Variants in TVP23C observed in about 807,000 individuals in gnomAD.
TVP23C encodes trans-golgi network vesicle protein 23 homolog C, also known as Golgi apparatus membrane protein TVP23 homolog C.
In TVP23C, 19 loss-of-function variants were observed where a neutral mutation model predicts 28.7. The ratio of observed to expected loss-of-function variants is 0.66; its 90% CI spans 0.46 to 0.97. TVP23C has a LOEUF of 0.97. TVP23C is among the 50% of genes least tolerant of loss of function. The pLI, the probability that TVP23C is intolerant of heterozygous loss-of-function variation, is 0.00. For missense variants in TVP23C, 186 were observed against 241.3 expected (o/e 0.77, Z 1.52); for synonymous variants, 68 against 81.7 (o/e 0.83, Z 0.90).
chr17:15,519,665 C>G (rs1361766362), intron 5 of TVP23C, among the ~76,000 whole-genome samples: 3 of 152,122 alleles, frequency 2.0e-5, no homozygotes, highest in Admixed American at 1.3e-4. Context: ...AATCCCAGCA[C>G]TTTGGGAGGC....
At position 15,537,947 on chromosome 17, in the gene TVP23C, C is replaced by A. The variant is rs970872978; in HGVS notation, c.*2465G>T. The stretch of plus-strand genomic sequence containing the variant: ...GCCAACATATACTTTCTAGCCCCAA[C>A]TGCTGGAAAGGAAATAAAAACTTAA... On this transcript the variant is annotated 3_prime_UTR_variant, in exon 6 of 6. Transcript: ENST00000518321. 23 of 1,448,002 alleles carry A rather than the reference C, an allele frequency of 1.6e-5. No homozygotes were observed. The highest frequency in any genetic ancestry group is 2.0e-5 in the Non-Finnish European group (22 of 1,102,524). 89.7% of individuals were successfully genotyped at this position (1,448,002 alleles called of 1,614,324 possible). A position where few individuals can be genotyped will look rare whatever the true frequency, so the allele number is the denominator to read the frequency against.
intron 1 of TVP23C, chr17:15,562,728 C>G (rs894540109): frequency 6.6e-6 from 1 of 152,234 alleles, no homozygotes; most frequent in Non-Finnish European, 1.5e-5. Context: ...TTTATCGTGT[C>G]TCCCCACCCA....
intron 5 of TVP23C, among the ~76,000 whole-genome samples, chr17:15,514,166 T>C (rs1054583040): frequency 1.3e-5 from 2 of 152,238 alleles, no homozygotes; most frequent in Admixed American, 6.5e-5. Context: ...CAAACATACT[T>C]TTTAAAGCTA....
chr17:15,554,366 T>C (rs1050640472), intron 2 of TVP23C, among the ~76,000 whole-genome samples: 3 of 151,290 alleles, frequency 2.0e-5, no homozygotes, highest in African/African-American at 7.3e-5. Flanking sequence ...GCCTCCCAAG[T>C]AGCTGGGACT....
chr17:15,524,902 G>T (rs1982656543), intron 5 of TVP23C, among the ~76,000 whole-genome samples: 1 of 152,290 alleles, frequency 6.6e-6, no homozygotes, highest in Middle Eastern at 3.4e-3. Context: ...GTCCTACCAG[G>T]ACCACCACTC....
chr17:15,531,240 T>C (rs930175995), intron 5 of TVP23C, among the ~76,000 whole-genome samples: 6 of 152,204 alleles, frequency 3.9e-5, no homozygotes, highest in African/African-American at 1.4e-4. Context: ...ACTGTCTTTG[T>C]CTCTGGCTTT....
At chr17:15,551,851 C>T (rs528979620) in intron 3 of TVP23C, among the ~76,000 whole-genome samples, 3 of 152,216 alleles carry the variant, frequency 2.0e-5, no homozygotes, top group African/African-American at 4.8e-5. Context: ...ATAACAATTA[C>T]GACACATCTC....
At chr17:15,548,804 AT>A (rs1350302756) in intron 3 of TVP23C, among the ~76,000 whole-genome samples, 1 of 152,186 alleles carries the variant, frequency 6.6e-6, no homozygotes, top group Admixed American at 6.5e-5. Context: ...TATATGCTAT[AT>A]TTTTTCCTAT....
chr17:15,543,325 G>A (rs1162011204), intron 5 of TVP23C, among the ~76,000 whole-genome samples: 1 of 151,026 alleles, frequency 6.6e-6, no homozygotes, highest in Non-Finnish European at 1.5e-5. Flanking sequence ...GGCTGGACAG[G>A]ACTGTCACTG....
At chr17:15,524,627 T>C (rs1296703153) in intron 5 of TVP23C, among the ~76,000 whole-genome samples, 1 of 152,212 alleles carries the variant, frequency 6.6e-6, no homozygotes, top group Non-Finnish European at 1.5e-5. Flanking sequence ...ATCCTAACTT[T>C]TGATAGATGT....
At chr17:15,505,515 T>C (rs776384300) in intron 5 of TVP23C, among the ~76,000 whole-genome samples, 3 of 152,160 alleles carry the variant, frequency 2.0e-5, no homozygotes, top group Non-Finnish European at 2.9e-5. Context: ...CCCCATACTA[T>C]TGAGAGGTGA....
intron 5 of TVP23C, among the ~76,000 whole-genome samples, chr17:15,542,617 C>T (rs184038904): frequency 9.1e-4 from 137 of 150,360 alleles, no homozygotes; most frequent in African/African-American, 3.2e-3. Context: ...ACTGGGACTA[C>T]AGGTGCCTGC....
chr17:15,554,932 TTAGAA>T (rs1363336694), intron 2 of TVP23C, among the ~76,000 whole-genome samples: 2 of 152,214 alleles, frequency 1.3e-5, no homozygotes, highest in Non-Finnish European at 2.9e-5. Flanking sequence ...AGAATTAAAT[TTAGAA>T]TAGAAATGTT....
At position 15,546,063 on chromosome 17, in the gene TVP23C, A is replaced by G. The variant is rs1044080330; in HGVS notation, c.331-147T>C. On this transcript the variant is annotated intron_variant, in intron 4 of 5. Coordinates refer to ENST00000518321, the MANE Select transcript of TVP23C (RefSeq NM_001135036.2). Reference sequence around the variant, plus strand: ...AGTTAGAACCCAAAAATACATGACTATCACTCTCGTAATTTTAGGAACTGA... The same window carrying G: ...AGTTAGAACCCAAAAATACATGACTGTCACTCTCGTAATTTTAGGAACTGA... The G allele has an allele frequency of 1.0e-5, 13 of 1,253,508 alleles. 1 individual carries two copies. The African/African-American group carries it at 2.0e-4, about 19-fold the overall frequency. The allele number at this position is 1,253,508 out of a possible 1,614,324, so 77.6% of individuals were successfully genotyped here. A position where few individuals can be genotyped will look rare whatever the true frequency, so the allele number is the denominator to read the frequency against.
chr17:15,522,093 G>A (rs77962827), intron 5 of TVP23C, among the ~76,000 whole-genome samples: 18,929 of 152,156 alleles, frequency 0.12, 1,282 homozygotes, highest in Middle Eastern at 0.18. Flanking sequence ...TCATGGCACA[G>A]GCAGGAAGGA....
chr17:15,520,657 C>T (rs1567633506), intron 5 of TVP23C, among the ~76,000 whole-genome samples: 1 of 152,140 alleles, frequency 6.6e-6, no homozygotes, highest in Non-Finnish European at 1.5e-5. Context: ...GACATCCACA[C>T]ATGTTCAAAC....
intron 5 of TVP23C, among the ~76,000 whole-genome samples, chr17:15,510,148 A>G (rs1022447037): frequency 6.6e-6 from 1 of 152,220 alleles, no homozygotes; most frequent in Non-Finnish European, 1.5e-5. Context: ...ATTTGCAGCA[A>G]GCATTCAGGA....
chr17:15,550,295 C>T (rs1012478547), intron 3 of TVP23C, among the ~76,000 whole-genome samples: 5 of 152,120 alleles, frequency 3.3e-5, no homozygotes, highest in Admixed American at 6.5e-5. Flanking sequence ...TGTAGTAGTT[C>T]GCTTTTTTAA....
chr17:15,538,916 T>C lies in TVP23C; in HGVS notation c.*1496A>G. 1.0e-6 allele frequency: 1 copy of C among 985,836 alleles called. No homozygotes were observed. The highest frequency in any genetic ancestry group is 1.2e-6 in the Non-Finnish European group (1 of 829,908). The allele number at this position is 985,836 out of a possible 1,614,324, so 61.1% of individuals were successfully genotyped here. On this transcript the variant is annotated 3_prime_UTR_variant, in exon 6 of 6. Transcript: ENST00000518321. ...TGAGATGATCATGTCCCTACATGAA[T>C]ATTCATTTTCTCTACTTTTCATCTT...
Sources: gnomAD v4.1 joint callset for allele counts (sites outside exome capture counted in the v4.1 genomes callset) on GRCh38, gnomAD v4.1.1 for gene constraint, MANE v1.5 for transcripts, NCBI Gene and HGNC (gene_info 2026-07-23, HGNC 2026-07-21) for gene names.